The following BABAM2 variants were observed in gnomAD, a reference collection of about 807,000 sequenced individuals.
The protein encoded by BABAM2 is BRISC and BRCA1 A complex member 2, also known as BRISC and BRCA1-A complex member 2.
In BABAM2, 31 loss-of-function variants were observed where a neutral mutation model predicts 54.7. The observed-to-expected ratio is 0.57, with a 90% CI of 0.43 to 0.77. The LOEUF is 0.77. BABAM2 is among the 30% of genes least tolerant of loss of function. The probability of loss-of-function intolerance (pLI) is 0.00; values close to 1 mark genes in which losing one functional copy is unlikely to be tolerated. For synonymous variants in BABAM2, 167 were observed against 162.9 expected, an observed-to-expected ratio of 1.03 and a Z score of -0.19; for missense variants, 364 against 455.8, an observed-to-expected ratio of 0.80 and a Z score of 1.83.
chr2:28,051,774 G>A (rs919185587), intron 6 of BABAM2, among the ~76,000 whole-genome samples: 63 of 151,896 alleles, frequency 4.1e-4, no homozygotes, highest in African/African-American at 6.3e-4. Context: ...TCAGCCTTCC[G>A]ACTAGCTGGG....
At chr2:28,198,340 A>T (rs979673975) in intron 7 of BABAM2, among the ~76,000 whole-genome samples, 2 of 151,838 alleles carry the variant, frequency 1.3e-5, no homozygotes, top group Non-Finnish European at 2.9e-5. Context: ...AATTTTTTGT[A>T]TTTTTTTAGT....
intron 6 of BABAM2, among the ~76,000 whole-genome samples, chr2:28,063,819 G>A (rs895589749): frequency 1.3e-5 from 2 of 152,032 alleles, no homozygotes; most frequent in African/African-American, 4.8e-5. Context: ...TGTCACTTAT[G>A]ATCAAAAAAA....
intron 3 of BABAM2, among the ~76,000 whole-genome samples, chr2:27,955,569 T>G (rs1670024969): frequency 6.6e-6 from 1 of 152,242 alleles, no homozygotes; most frequent in Non-Finnish European, 1.5e-5. Flanking sequence ...CACAGATATG[T>G]GCATTAGTGG....
chr2:27,907,404 T>C (rs1243347148), intron 2 of BABAM2, among the ~76,000 whole-genome samples: 1 of 152,158 alleles, frequency 6.6e-6, no homozygotes, highest in Non-Finnish European at 1.5e-5. Flanking sequence ...GAATGATTTT[T>C]TTTCATCTGT....
chr2:28,018,641 A>G (rs1452486814), intron 4 of BABAM2, among the ~76,000 whole-genome samples: 1 of 152,134 alleles, frequency 6.6e-6, no homozygotes, highest in Non-Finnish European at 1.5e-5. Flanking sequence ...ATAATGTAAA[A>G]GTGTTCCCTT....
intron 3 of BABAM2, among the ~76,000 whole-genome samples, chr2:27,976,215 A>G (rs151189574): frequency 3.3e-5 from 5 of 152,258 alleles, no homozygotes; most frequent in African/African-American, 9.6e-5. Flanking sequence ...ACATTTATCT[A>G]GAAATGATAA....
intron 3 of BABAM2, among the ~76,000 whole-genome samples, chr2:27,979,674 G>C (rs1671865052): frequency 6.6e-6 from 1 of 152,042 alleles, no homozygotes; most frequent in South Asian, 2.1e-4. Context: ...ATGTTAGATG[G>C]TATCTCGTGG....
intron 3 of BABAM2, among the ~76,000 whole-genome samples, chr2:27,939,218 T>C (rs1668704424): frequency 6.6e-6 from 1 of 152,206 alleles, no homozygotes. Flanking sequence ...CCCAAAGTGC[T>C]AGGATTACAG....
intron 6 of BABAM2, among the ~76,000 whole-genome samples, chr2:28,066,768 G>T (rs1303258895): frequency 6.6e-6 from 1 of 152,162 alleles, no homozygotes; most frequent in Non-Finnish European, 1.5e-5. Flanking sequence ...CCAAGGAAGA[G>T]TGAGGACGCC....
intron 5 of BABAM2, among the ~76,000 whole-genome samples, chr2:28,031,670 G>A (rs1324940406): frequency 6.6e-6 from 1 of 152,200 alleles, no homozygotes; most frequent in Non-Finnish European, 1.5e-5. Flanking sequence ...ATACTGGATA[G>A]ATTACATCTC....
chr2:28,061,340 C>CT (rs1168119411), intron 6 of BABAM2, among the ~76,000 whole-genome samples: 1 of 151,554 alleles, frequency 6.6e-6, no homozygotes, highest in African/African-American at 2.4e-5. Flanking sequence ...AATCCCAGCA[C>CT]TTTGAGAGGC....
At chr2:28,088,165 CCTCT>C (rs1358839672) in intron 6 of BABAM2, among the ~76,000 whole-genome samples, 1 of 151,898 alleles carries the variant, frequency 6.6e-6, no homozygotes, top group Non-Finnish European at 1.5e-5. Context: ...TGATATTTTC[CCTCT>C]ATTTGTATTT....
chr2:28,036,837 A>G (rs1676699953), intron 5 of BABAM2, among the ~76,000 whole-genome samples: 1 of 152,188 alleles, frequency 6.6e-6, no homozygotes. Context: ...CGTCCTGTGA[A>G]TATCTCTGTC....
intron 3 of BABAM2, among the ~76,000 whole-genome samples, chr2:27,940,594 T>C (rs1270377496): frequency 4.6e-5 from 7 of 152,254 alleles, no homozygotes; most frequent in Non-Finnish European, 7.3e-5. Flanking sequence ...GTAAGTTATA[T>C]TGAGCAAGTC....
chr2:28,285,162 G>C (rs1004185879), intron 10 of BABAM2, among the ~76,000 whole-genome samples: 5 of 152,174 alleles, frequency 3.3e-5, no homozygotes, highest in African/African-American at 1.2e-4. Flanking sequence ...CTATGTGCAA[G>C]ACTGTATGGC....
intron 7 of BABAM2, among the ~76,000 whole-genome samples, chr2:28,176,600 C>T (rs1203605268): frequency 2.1e-5 from 1 of 46,952 alleles, no homozygotes. Flanking sequence ...AAAAAAACCT[C>T]ACTGAGATAT....
chr2:28,001,329 T>C (rs1673563854), intron 4 of BABAM2, among the ~76,000 whole-genome samples: 1 of 152,198 alleles, frequency 6.6e-6, no homozygotes, highest in Non-Finnish European at 1.5e-5. Context: ...TACAAACATG[T>C]ATTGAGCCTG....
chr2:28,302,416 CA>C (rs34808748), intron 11 of BABAM2, among the ~76,000 whole-genome samples: 86,351 of 133,408 alleles, frequency 0.65, 26,236 homozygotes, highest in Middle Eastern at 0.79. Context: ...GACTCCATCT[CA>C]AAAAAAAAAA....
At chr2:28,013,979 C>T (rs1674610506) in intron 4 of BABAM2, among the ~76,000 whole-genome samples, 1 of 152,030 alleles carries the variant, frequency 6.6e-6, no homozygotes, top group South Asian at 2.1e-4. Context: ...GCATGAGCTG[C>T]ATATTTGTTG....
Sources: allele counts gnomAD v4.1 joint callset (sites outside exome capture counted in the v4.1 genomes callset), GRCh38; gene constraint gnomAD v4.1.1; transcripts MANE v1.5; gene names NCBI Gene and HGNC (gene_info 2026-07-23, HGNC 2026-07-21).